The following CSMD1 variants were observed in gnomAD, a reference collection of about 807,000 sequenced individuals.
CSMD1 encodes the protein CUB and sushi domain-containing protein 1.
In CSMD1, 213 loss-of-function variants were observed where a neutral mutation model predicts 417.5. That is an observed-to-expected ratio of 0.51 (90% CI 0.46 to 0.57). The LOEUF is 0.57. Among genes scored for constraint, CSMD1 ranks in the 20% least tolerant of loss-of-function variants. The pLI is 0.00. For synonymous variants in CSMD1, 2,862 were observed against 1,736.8 expected (o/e 1.65, Z -16.11); for missense variants, 6,923 against 4,529.7 (o/e 1.53, Z -15.17).
intron 1 of CSMD1, among the ~76,000 whole-genome samples, chr8:4,693,074 CT>C (rs2116773505): frequency 6.6e-6 from 1 of 152,316 alleles, no homozygotes; most frequent in South Asian, 2.1e-4. Context: ...CACTACACAG[CT>C]TTCTTCTCCA....
At chr8:3,127,436 T>C (rs1043721812) in intron 41 of CSMD1, 3 of 152,146 alleles carry the variant, frequency 2.0e-5, no homozygotes, top group African/African-American at 7.2e-5. Flanking sequence ...CAAGCAACAG[T>C]TTGCATGCTC....
chr8:4,787,979 C>G lies in CSMD1; in HGVS notation c.86-150421G>C, dbSNP rs1797498717. On this transcript the variant is annotated intron_variant, in intron 1 of 69. Coordinates refer to ENST00000635120, the MANE Select transcript of CSMD1 (RefSeq NM_033225.6). Reference sequence around the variant, plus strand: ...GACTCTGGCCATCAGGAGATCGAAGCCAACAGAAAGACAAACAGTGTTATC... The same window carrying G: ...GACTCTGGCCATCAGGAGATCGAAGGCAACAGAAAGACAAACAGTGTTATC... The G allele has an allele frequency of 4.4e-6, 7 of 1,594,430 alleles. No individual in the cohort carries two copies. In the South Asian group the frequency reaches 6.7e-5, roughly 15 times the overall value.
chr8:4,491,242 G>T (rs952591049), intron 2 of CSMD1, among the ~76,000 whole-genome samples: 2 of 152,088 alleles, frequency 1.3e-5, no homozygotes, highest in South Asian at 4.1e-4. Flanking sequence ...CTAAAAAGAA[G>T]AAAGAAATGA....
chr8:3,199,013 G>A (rs529866923), intron 33 of CSMD1, among the ~76,000 whole-genome samples: 5 of 152,208 alleles, frequency 3.3e-5, no homozygotes, highest in South Asian at 2.1e-4. Context: ...CAAGCTCCAC[G>A]CAAAGACTTA....
chr8:4,020,579 G>C (rs1277712013), intron 4 of CSMD1, among the ~76,000 whole-genome samples: 1 of 152,130 alleles, frequency 6.6e-6, no homozygotes, highest in Non-Finnish European at 1.5e-5. Flanking sequence ...GTCTGAGAAA[G>C]GCCTCCAATT....
At chr8:4,753,794 C>A (rs535495318) in intron 1 of CSMD1, among the ~76,000 whole-genome samples, 1 of 152,336 alleles carries the variant, frequency 6.6e-6, no homozygotes, top group South Asian at 2.1e-4. Flanking sequence ...CCACTGCCTC[C>A]TCCTTTACTC....
rs1486469000 is a variant in CSMD1 at position 4,036,956 on chromosome 8, G to GGGGT, written c.416-4858_416-4857insACCC. On this transcript the variant is annotated intron_variant, in intron 3 of 69. Coordinates refer to ENST00000635120, the MANE Select transcript of CSMD1 (RefSeq NM_033225.6). ...TGGATCCTAGTATGGGTGAGTGTGG[G>GGGGT]GTGTGTGTGTGTGTGTGTGTGTGTG... is the stretch of plus-strand genomic sequence containing the variant. 3.0e-4 allele frequency among the ~76,000 whole-genome samples: 44 copies of GGGGT among 146,034 alleles called. 1 individual carries two copies. In the East Asian group the frequency reaches 5.7e-3, roughly 19 times the overall value.
chr8:3,551,596 ATTTTTTTTT>A lies in CSMD1; in HGVS notation c.1344+23340_1344+23348del, dbSNP rs1194152215. 1.1e-3 allele frequency among the ~76,000 whole-genome samples: 126 copies of A among 113,434 alleles called. 2 individuals carry two copies. The East Asian group carries it at 0.025, about 22-fold the overall frequency. The allele number at this position is 113,434 out of a possible 152,430, so 74.4% of individuals were successfully genotyped here. ...TAAATATGTATATATATATATATAT[ATTTTTTTTT>A]TTTTTTTTTCTGAAGATACATTATG... On this transcript the variant is annotated intron_variant, in intron 10 of 69. Coordinates refer to ENST00000635120, the MANE Select transcript of CSMD1 (RefSeq NM_033225.6).
intron 12 of CSMD1, among the ~76,000 whole-genome samples, chr8:3,456,298 T>C (rs11781867): frequency 6.6e-6 from 1 of 151,170 alleles, no homozygotes; most frequent in Non-Finnish European, 1.5e-5. Context: ...GCTCATGCTT[T>C]GTGTGCTGCA....
At chr8:3,416,188 G>A (rs1585132206) in intron 12 of CSMD1, among the ~76,000 whole-genome samples, 1 of 149,760 alleles carries the variant, frequency 6.7e-6, no homozygotes, top group East Asian at 2.0e-4. Context: ...GTAATTCCCA[G>A]CTACTCGGGA....
chr8:4,630,050 C>A (rs981275938), intron 2 of CSMD1, among the ~76,000 whole-genome samples: 1 of 152,088 alleles, frequency 6.6e-6, no homozygotes, highest in Non-Finnish European at 1.5e-5. Context: ...TTAAAAAAAG[C>A]CAAGATATGG....
chr8:4,080,360 C>G (rs776943918), intron 3 of CSMD1, among the ~76,000 whole-genome samples: 1 of 152,174 alleles, frequency 6.6e-6, no homozygotes, highest in African/African-American at 2.4e-5. Context: ...GAAGCAAAAT[C>G]TACACAAACA....
chr8:4,542,195 C>G (rs1040241079), intron 2 of CSMD1, among the ~76,000 whole-genome samples: 1 of 152,026 alleles, frequency 6.6e-6, no homozygotes, highest in Non-Finnish European at 1.5e-5. Flanking sequence ...CTCAAACTTT[C>G]TGAATAAAAA....
chr8:4,798,934 A>T (rs955381116), intron 1 of CSMD1, among the ~76,000 whole-genome samples: 2 of 152,196 alleles, frequency 1.3e-5, no homozygotes, highest in Admixed American at 1.3e-4. Context: ...TGCATCGGCC[A>T]TTCTTGATCT....
At chr8:4,428,600 T>A (rs950880587) in intron 2 of CSMD1, among the ~76,000 whole-genome samples, 2 of 152,218 alleles carry the variant, frequency 1.3e-5, no homozygotes, top group African/African-American at 4.8e-5. Context: ...TCAGTAATAC[T>A]AGATGTGCTC....
At chr8:4,518,019 G>A (rs781339339) in intron 2 of CSMD1, among the ~76,000 whole-genome samples, 1 of 152,120 alleles carries the variant, frequency 6.6e-6, no homozygotes, top group African/African-American at 2.4e-5. Context: ...TACATAAGCT[G>A]TTTAAGAAAG....
intron 1 of CSMD1, among the ~76,000 whole-genome samples, chr8:4,883,406 G>T (rs538486239): frequency 6.6e-6 from 1 of 151,966 alleles, no homozygotes; most frequent in Admixed American, 6.6e-5. Context: ...ATATTGAAAT[G>T]CAAGATCATC....
chr8:4,125,368 G>C (rs1226204316), intron 3 of CSMD1, among the ~76,000 whole-genome samples: 1 of 152,150 alleles, frequency 6.6e-6, no homozygotes, highest in Non-Finnish European at 1.5e-5. Context: ...CTTGTGACCT[G>C]CAGGTCCCCT....
intron 23 of CSMD1, among the ~76,000 whole-genome samples, chr8:3,324,906 G>C (rs774771824): frequency 1.8e-4 from 28 of 151,902 alleles, no homozygotes; most frequent in Non-Finnish European, 3.5e-4. Flanking sequence ...CGGTCTAGTT[G>C]CCTGGCACTG....
Sources: gnomAD v4.1 joint callset for allele counts (sites outside exome capture counted in the v4.1 genomes callset) on GRCh38, gnomAD v4.1.1 for gene constraint, MANE v1.5 for transcripts, NCBI Gene and HGNC (gene_info 2026-07-23, HGNC 2026-07-21) for gene names.